The following NBL1 variants were observed in gnomAD, a reference collection of about 807,000 sequenced individuals.
NBL1 encodes the protein neuroblastoma suppressor of tumorigenicity 1.
Under a neutral mutation model 16.0 loss-of-function variants are expected in NBL1, and 9 were observed. That is an observed-to-expected ratio of 0.56 (90% CI 0.34 to 0.98). The LOEUF (loss-of-function observed/expected upper bound fraction) is 0.98, where lower values mean the gene tolerates loss of function less well. Ranked by LOEUF, NBL1 falls within the 50% of genes least tolerant of loss-of-function variation. The pLI is 0.02. For synonymous variants in NBL1, 86 were observed against 100.7 expected (o/e 0.85, Z 0.87); for missense variants, 196 against 243.1 (o/e 0.81, Z 1.29).
intron 1 of NBL1, among the ~76,000 whole-genome samples, chr1:19,651,837 G>A (rs187272421): frequency 3.0e-4 from 45 of 152,192 alleles, no homozygotes; most frequent in African/African-American, 1.1e-3. Flanking sequence ...TGGACTACAG[G>A]TGCACATCAC....
At chr1:19,651,408 C>CCTGGGGGT (rs1383217813) in intron 1 of NBL1, among the ~76,000 whole-genome samples, 4 of 152,316 alleles carry the variant, frequency 2.6e-5, no homozygotes, top group African/African-American at 7.2e-5. Flanking sequence ...AAGGAGGGGG[C>CCTGGGGGT]CTTCTGCCTC....
upstream of NBL1, chr1:19,643,526 C>T (rs1037747403): frequency 4.7e-5 from 70 of 1,475,136 alleles, no homozygotes; most frequent in Admixed American, 2.0e-4. The surrounding 1 kb of genome is among the most constrained non-coding windows in gnomAD (Gnocchi z 4.7). Flanking sequence ...AGAGAAGGTA[C>T]GGCCGCAATC....
At chr1:19,649,124 G>C (rs1354843336) in intron 1 of NBL1, among the ~76,000 whole-genome samples, 2 of 151,950 alleles carry the variant, frequency 1.3e-5, no homozygotes, top group Non-Finnish European at 2.9e-5. Context: ...GACCTGCAAG[G>C]GTAGCTGGGG....
At chr1:19,648,367 C>T (rs1197952108) in intron 1 of NBL1, among the ~76,000 whole-genome samples, 2 of 152,180 alleles carry the variant, frequency 1.3e-5, no homozygotes, top group African/African-American at 4.8e-5. Flanking sequence ...CCTGGCTGGG[C>T]CTCAGAGTCC....
chr1:19,652,296 G>C (rs940863506), intron 1 of NBL1, among the ~76,000 whole-genome samples: 1 of 152,204 alleles, frequency 6.6e-6, no homozygotes, highest in Admixed American at 6.5e-5. Context: ...TGAGGAAGCC[G>C]CCTGCATGCC....
Position 19,656,888 on chromosome 1 carries a change from A to C in NBL1, c.305A>C (p.His102Pro). The C allele has an allele frequency of 6.2e-7, 1 of 1,612,352 alleles. No individual in the cohort carries two copies. The highest frequency in any genetic ancestry group is 8.5e-7 in the Non-Finnish European group (1 of 1,178,830). ...CAGGTGACGCTGGAGTGCCCGGGCC[A>C]CGAGGAGGTGCCCAGGGTGGACAAG... ...WEIVTLECPG[H>P]EEVPRVDKLV... is the part of the protein sequence containing the mutation. The change falls in exon 4 of 4, where the codon CAC becomes CCC. Residue 102 changes from histidine to proline, a missense_variant. Coordinates refer to ENST00000375136, the MANE Select transcript of NBL1 (RefSeq NM_005380.8).
intron 1 of NBL1, among the ~76,000 whole-genome samples, chr1:19,651,233 G>A (rs1277184131): frequency 6.6e-6 from 1 of 152,206 alleles, no homozygotes; most frequent in East Asian, 1.9e-4. Flanking sequence ...TCCAGGGGGA[G>A]CCCGGGGAAA....
upstream of NBL1, chr1:19,643,870 A>C (rs1215186266): frequency 2.0e-6 from 2 of 990,764 alleles, no homozygotes; most frequent in East Asian, 2.2e-4. The surrounding 1 kb of genome is among the most constrained non-coding windows in gnomAD (Gnocchi z 4.7). Context: ...CTCTCGGGGC[A>C]AGTCTGCAAT....
intron 1 of NBL1, among the ~76,000 whole-genome samples, chr1:19,654,290 A>G (rs2100438145): frequency 6.6e-6 from 1 of 152,268 alleles, no homozygotes; most frequent in Admixed American, 6.5e-5. Flanking sequence ...TAGTCCCAGC[A>G]ACTCGGGAGG....
At chr1:19,645,629 C>CT in intron 1 of NBL1, 1 of 1,121,410 alleles carries the variant, frequency 8.9e-7, no homozygotes, top group Non-Finnish European at 1.1e-6. Flanking sequence ...CCTCCCTAGA[C>CT]TCCCCCAGAT....
intron 1 of NBL1, among the ~76,000 whole-genome samples, chr1:19,652,025 G>C (rs2095028791): frequency 6.6e-6 from 1 of 152,112 alleles, no homozygotes; most frequent in Non-Finnish European, 1.5e-5. Context: ...TTACAGGTGT[G>C]AGCCACCATG....
upstream of NBL1, chr1:19,644,201 C>G (rs1056575890): frequency 1.0e-5 from 10 of 978,260 alleles, no homozygotes; most frequent in Non-Finnish European, 1.2e-5. This position sits in a 1 kb window ranked among gnomAD's most constrained non-coding sequence, Gnocchi z 4.6. Context: ...CGCGCCCGCC[C>G]GCTCTTTCTG....
At chr1:19,643,343 G>C, upstream of NBL1, 1 of 1,614,058 alleles carries the variant, frequency 6.2e-7, no homozygotes, top group Non-Finnish European at 8.5e-7. The surrounding 1 kb of genome is among the most constrained non-coding windows in gnomAD (Gnocchi z 4.7). Context: ...CAGACAAGCA[G>C]GGCTGTGTCT....
intron 1 of NBL1, among the ~76,000 whole-genome samples, chr1:19,650,737 T>TA (rs113565150): frequency 0.013 from 1,810 of 139,094 alleles, 43 homozygotes; most frequent in African/African-American, 0.045. Flanking sequence ...GATCGCTGCT[T>TA]AAAAAAAAAA....
chr1:19,655,338 A>G lies in NBL1; in HGVS notation c.185A>G (p.Gln62Arg). The change falls in exon 3 of 4, where the codon CAG (glutamine) becomes CGG (arginine). Residue 62 changes from glutamine (Q) to arginine (R), a missense_variant. Gln to Arg is a conservative substitution (Grantham distance 43, BLOSUM62 1). Coordinates refer to ENST00000375136, the MANE Select transcript of NBL1 (RefSeq NM_005380.8). ...KSIQNRACLG[Q>R]CFSYSVPNTF... Reference sequence around the variant, plus strand: ...TCCTCCCACAGGGCGTGCCTAGGACAGTGCTTCAGCTACAGCGTCCCCAAC... The same window carrying G: ...TCCTCCCACAGGGCGTGCCTAGGACGGTGCTTCAGCTACAGCGTCCCCAAC... 2 of 1,614,128 alleles carry G rather than the reference A, an allele frequency of 1.2e-6. No individual in the cohort carries two copies. Among genetic ancestry groups the G allele is most frequent in the Non-Finnish European group, 1.7e-6 (2 of 1,180,010 alleles).
chr1:19,644,167 G>T, upstream of NBL1: 1 of 980,320 alleles, frequency 1.0e-6, no homozygotes, highest in Non-Finnish European at 1.2e-6. The surrounding 1 kb of genome is among the most constrained non-coding windows in gnomAD (Gnocchi z 4.6). Context: ...GCCCCCTCCT[G>T]CGCACCCGGA....
chr1:19,655,249 G>A (rs2095049473), intron 2 of NBL1, 49 bp downstream of exon 2: 2 of 1,609,096 alleles, frequency 1.2e-6, no homozygotes, highest in African/African-American at 2.7e-5. Context: ...GTCCAAGGAG[G>A]GAGGAAGAGG....
chr1:19,646,207 T>C (rs2094979291), intron 1 of NBL1, among the ~76,000 whole-genome samples: 1 of 152,178 alleles, frequency 6.6e-6, no homozygotes, highest in African/African-American at 2.4e-5. Flanking sequence ...GCCGTGAGAC[T>C]GGGGTCGTGG....
In NBL1 at chr1:19,657,001, G is replaced by T; in HGVS notation, c.418G>T (p.Asp140Tyr). The T allele has an allele frequency of 1.3e-6, 2 of 1,592,578 alleles. No individual in the cohort carries two copies. Among genetic ancestry groups the T allele is most frequent in the Non-Finnish European group, 1.7e-6 (2 of 1,170,090 alleles). Residue 140 changes from aspartate (D) to tyrosine (Y), a missense_variant, in exon 4 of 4, where the codon GAC becomes TAC. Transcript: ENST00000375136. Reference protein sequence around the residue: ...EGLSVYVQGEDGPGSQPGTHP... With the variant: ...EGLSVYVQGEYGPGSQPGTHP... The stretch of plus-strand genomic sequence containing the variant: ...GCTGAGCGTCTATGTGCAGGGCGAG[G>T]ACGGGCCGGGATCCCAGCCCGGCAC...
Sources: gnomAD v4.1 joint callset for allele counts (sites outside exome capture counted in the v4.1 genomes callset) on GRCh38, gnomAD v4.1.1 for gene constraint, Gnocchi (gnomAD v3.1) non-coding constraint, MANE v1.5 for transcripts, NCBI Gene and HGNC (gene_info 2026-07-23, HGNC 2026-07-21) for gene names.